Variants in TANC1 observed in about 807,000 individuals in gnomAD.
TANC1 encodes protein TANC1.
A neutral mutation model predicts 149.7 loss-of-function variants in TANC1; 77 were observed. The ratio of observed to expected loss-of-function variants is 0.51; its 90% CI spans 0.43 to 0.62. TANC1 has a LOEUF of 0.62. TANC1 is among the 20% of genes least tolerant of loss of function. The probability of loss-of-function intolerance (pLI) is 0.00; values close to 1 mark genes in which losing one functional copy is unlikely to be tolerated. For missense variants in TANC1, 1,985 were observed against 2,321.8 expected, an observed-to-expected ratio of 0.85 and a Z score of 2.98; for synonymous variants, 854 against 925.0, an observed-to-expected ratio of 0.92 and a Z score of 1.39.
intron 13 of TANC1, among the ~76,000 whole-genome samples, chr2:159,177,405 A>G (rs769365709): frequency 5.3e-5 from 8 of 152,084 alleles, no homozygotes; most frequent in Non-Finnish European, 1.2e-4. Context: ...ACTTTTAGAC[A>G]TTAGGTTTTG....
chr2:159,110,416 T>C (rs1437014327), intron 4 of TANC1, among the ~76,000 whole-genome samples: 1 of 152,246 alleles, frequency 6.6e-6, no homozygotes, highest in Admixed American at 6.5e-5. Flanking sequence ...GATCTGGGAC[T>C]TCCCAGCCTC....
At chr2:159,219,398 G>A (rs200145670) in intron 21 of TANC1, 37 bp downstream of exon 21, 69 of 1,612,400 alleles carry the variant, frequency 4.3e-5, no homozygotes, top group South Asian at 5.5e-5. Flanking sequence ...TCTTTTGGAC[G>A]GACACAGAGA....
At chr2:159,177,150 T>TC in intron 13 of TANC1, among the ~76,000 whole-genome samples, 1 of 152,218 alleles carries the variant, frequency 6.6e-6, no homozygotes, top group African/African-American at 2.4e-5. Flanking sequence ...CCTCAGGTGA[T>TC]CCACCCACCT....
chr2:159,127,422 A>G (rs2049570167), intron 4 of TANC1, among the ~76,000 whole-genome samples: 1 of 152,254 alleles, frequency 6.6e-6, no homozygotes, highest in Non-Finnish European at 1.5e-5. Flanking sequence ...AGGATCTAGA[A>G]CCAGAAATAC....
intron 5 of TANC1, among the ~76,000 whole-genome samples, chr2:159,141,860 T>A (rs1482066774): frequency 1.3e-5 from 2 of 152,234 alleles, no homozygotes; most frequent in East Asian, 1.9e-4. Context: ...CTGGTAATCA[T>A]GGATTTTTCC....
chr2:159,085,065 C>G (rs1252057752), intron 3 of TANC1, among the ~76,000 whole-genome samples: 1 of 152,168 alleles, frequency 6.6e-6, no homozygotes, highest in East Asian at 1.9e-4. Flanking sequence ...GTGGTTTGTT[C>G]TCACCAAAAC....
intron 4 of TANC1, among the ~76,000 whole-genome samples, chr2:159,125,089 A>G (rs144254052): frequency 1.3e-5 from 2 of 152,276 alleles, no homozygotes; most frequent in East Asian, 3.9e-4. Context: ...CAAAAGTCAG[A>G]GGAAGTAAGA....
At chr2:159,140,379 GT>G (rs1458937865) in intron 5 of TANC1, among the ~76,000 whole-genome samples, 1 of 152,166 alleles carries the variant, frequency 6.6e-6, no homozygotes, top group Non-Finnish European at 1.5e-5. Context: ...GTTGAATGAG[GT>G]TTTATTTGAT....
At chr2:159,035,053 G>C (rs555686435) in intron 2 of TANC1, among the ~76,000 whole-genome samples, 3 of 152,316 alleles carry the variant, frequency 2.0e-5, no homozygotes, top group Admixed American at 6.5e-5. Context: ...CTTGTGGTCT[G>C]AGGAGGCCCA....
chr2:159,131,767 G>A (rs1018188502), intron 4 of TANC1, among the ~76,000 whole-genome samples: 1 of 152,202 alleles, frequency 6.6e-6, no homozygotes, highest in Non-Finnish European at 1.5e-5. Context: ...GATTGTGGGG[G>A]ACAATAAAAC....
intron 2 of TANC1, among the ~76,000 whole-genome samples, chr2:159,026,019 C>T (rs1019963129): frequency 1.3e-5 from 2 of 152,164 alleles, no homozygotes; most frequent in African/African-American, 4.8e-5. Context: ...ACTGAAGCCT[C>T]CAGTCCTGGG....
At chr2:159,177,140 C>G (rs2055956264) in intron 13 of TANC1, among the ~76,000 whole-genome samples, 1 of 151,942 alleles carries the variant, frequency 6.6e-6, no homozygotes, top group African/African-American at 2.4e-5. Flanking sequence ...CAACTCCTGA[C>G]CTCAGGTGAT....
At chr2:159,136,119 GAC>G (rs2050715708) in intron 4 of TANC1, 73 bp from the exon 5 acceptor site, 2 of 903,630 alleles carry the variant, frequency 2.2e-6, no homozygotes, top group Non-Finnish European at 3.7e-6. Flanking sequence ...TCCTGGTAAG[GAC>G]ACACACTGTA....
chr2:159,189,636 A>G (rs867170), intron 16 of TANC1, among the ~76,000 whole-genome samples: 19,325 of 152,172 alleles, frequency 0.13, 1,528 homozygotes, highest in East Asian at 0.3. Flanking sequence ...TTTTTAGATG[A>G]GAAAACTGAG....
intron 4 of TANC1, among the ~76,000 whole-genome samples, chr2:159,115,206 C>A: frequency 6.7e-6 from 1 of 148,820 alleles, no homozygotes; most frequent in Non-Finnish European, 1.5e-5. Context: ...GTATGTGTGT[C>A]CGTGTGTGTG....
chr2:159,212,352 A>C lies in TANC1; in HGVS notation c.3245-5145A>C, dbSNP rs963872450. ...GCCTAGAGGAAAATGGCAGAGCAGC[A>C]GCAGATCCAGGTAGTGGTTCAATAC... On this transcript the variant is annotated intron_variant, in intron 19 of 26. Transcript: ENST00000263635. Among the ~76,000 whole-genome samples, 115 of 152,334 alleles carry C rather than the reference A, an allele frequency of 7.5e-4. 2 individuals carry two copies. The highest frequency in any genetic ancestry group is 7.3e-4 in the Non-Finnish European group (50 of 68,032).
chr2:159,065,983 A>G lies in TANC1; in HGVS notation c.61+12A>G, dbSNP rs150622235. ...CAAGAAGGAAGCAGGTATGTGTGCA[A>G]GAATGAGAAGCTCAGCCATGGACAG... is the stretch of plus-strand genomic sequence containing the variant. On this transcript the variant is annotated intron_variant, in intron 3 of 26. Coordinates refer to ENST00000263635, the MANE Select transcript of TANC1 (RefSeq NM_033394.3). 1.7e-3 allele frequency: 2,670 copies of G among 1,606,312 alleles called. 3 individuals are homozygous for G. Among genetic ancestry groups the G allele is most frequent in the Non-Finnish European group, 2.1e-3 (2,452 of 1,172,880 alleles).
Position 159,230,402 on chromosome 2 carries a change from C to T in TANC1, c.4976C>T (p.Ser1659Phe). 1 of 1,614,182 alleles carries T rather than the reference C, an allele frequency of 6.2e-7. No homozygotes were observed. The change falls in exon 27 of 27, where the codon TCC becomes TTC. Residue 1659 changes from serine (S) to phenylalanine (F), a missense_variant. Ser to Phe is a radical substitution (Grantham distance 155, BLOSUM62 -2). Around this residue, in one of 3 missense-constraint regions of TANC1, gnomAD observed 920 missense variants for 994.7 expected, o/e 0.92. Transcript: ENST00000263635. This position sits in a 1 kb window ranked among gnomAD's most constrained non-coding sequence, Gnocchi z 4.4. Reference protein sequence around the residue: ...ATCSDVRHPASLTSSGSSGSP... With the variant: ...ATCSDVRHPAFLTSSGSSGSP... ...TGCAGCGACGTGCGACACCCAGCTTCCCTCACCAGCTCAGGCTCTTCTGGT... is the reference window on the plus strand; with the variant it reads ...TGCAGCGACGTGCGACACCCAGCTTTCCTCACCAGCTCAGGCTCTTCTGGT...
intron 4 of TANC1, among the ~76,000 whole-genome samples, chr2:159,124,830 G>T (rs2049231405): frequency 6.6e-6 from 1 of 151,028 alleles, no homozygotes; most frequent in African/African-American, 2.4e-5. Context: ...GCCTCGACTT[G>T]TGTGATCCTC....
Sources: gnomAD v4.1 joint callset for allele counts (sites outside exome capture counted in the v4.1 genomes callset) on GRCh38, gnomAD v4.1.1 for gene constraint, gnomAD v4.1.1 regional missense constraint, Gnocchi (gnomAD v3.1) non-coding constraint, MANE v1.5 for transcripts, NCBI Gene and HGNC (gene_info 2026-07-23, HGNC 2026-07-21) for gene names.